Variants in MAPKAP1 observed in about 807,000 individuals in gnomAD.
MAPKAP1 encodes MAPK associated protein 1, also known as target of rapamycin complex 2 subunit MAPKAP1.
Under a neutral mutation model 65.7 loss-of-function variants are expected in MAPKAP1, and 20 were observed. That is an observed-to-expected ratio of 0.30 (90% CI 0.21 to 0.44). The LOEUF is 0.44. Among genes scored for constraint, MAPKAP1 ranks in the 20% least tolerant of loss-of-function variants. MAPKAP1 has a pLI of 1.00. For missense variants in MAPKAP1, 423 were observed against 648.0 expected (o/e 0.65, Z 3.77); for synonymous variants, 222 against 244.3 (o/e 0.91, Z 0.85).
rs150944508 is a variant in MAPKAP1 at position 125,547,016 on chromosome 9, G to A, written c.849-3848C>T. Among the ~76,000 whole-genome samples, 74 of 152,236 alleles carry A rather than the reference G, an allele frequency of 4.9e-4. 1 individual carries two copies. In the Middle Eastern group the frequency reaches 0.014, roughly 28 times the overall value. On this transcript the variant is annotated intron_variant, in intron 6 of 11. Transcript: ENST00000265960. ...AGGGTGAAACTCCATGTCAGGGAGC[G>A]TAAGAAACACTGCCAGGAGTGCTTC...
chr9:125,604,765 C>G (rs1323097967), intron 4 of MAPKAP1, among the ~76,000 whole-genome samples: 3 of 152,202 alleles, frequency 2.0e-5, no homozygotes, highest in Admixed American at 6.5e-5. Flanking sequence ...TGAAAATCAA[C>G]AAGAAGTCTG....
At chr9:125,539,677 A>C (rs1012271557) in intron 7 of MAPKAP1, among the ~76,000 whole-genome samples, 2 of 152,242 alleles carry the variant, frequency 1.3e-5, no homozygotes, top group Non-Finnish European at 2.9e-5. Context: ...TGCTGCCTAA[A>C]TCAAGGGACC....
intron 1 of MAPKAP1, among the ~76,000 whole-genome samples, chr9:125,693,838 T>TACACACACAC (rs1197235568): frequency 3.4e-5 from 4 of 117,328 alleles, no homozygotes; most frequent in African/African-American, 1.0e-4. Context: ...CACATATATA[T>TACACACACAC]ACACACATAC....
chr9:125,545,447 A>G (rs1303302371), intron 6 of MAPKAP1, among the ~76,000 whole-genome samples: 1 of 152,138 alleles, frequency 6.6e-6, no homozygotes, highest in Non-Finnish European at 1.5e-5. Context: ...ATCTGTGACA[A>G]TATGTTGGGC....
At chr9:125,686,552 G>C (rs1834984569) in intron 1 of MAPKAP1, among the ~76,000 whole-genome samples, 1 of 152,096 alleles carries the variant, frequency 6.6e-6, no homozygotes, top group Non-Finnish European at 1.5e-5. Flanking sequence ...CTTGTGTGGA[G>C]GAGGAAAAGG....
At chr9:125,493,508 A>C (rs977046158) in intron 8 of MAPKAP1, among the ~76,000 whole-genome samples, 3 of 152,254 alleles carry the variant, frequency 2.0e-5, no homozygotes, top group African/African-American at 4.8e-5. Flanking sequence ...GTAGATGTTC[A>C]ATAAATGCTG....
chr9:125,602,228 G>C (rs1274420937), intron 4 of MAPKAP1, among the ~76,000 whole-genome samples: 2 of 152,160 alleles, frequency 1.3e-5, no homozygotes. Flanking sequence ...GCTCCAGCCT[G>C]GGCAGCAGAG....
intron 1 of MAPKAP1, among the ~76,000 whole-genome samples, chr9:125,682,399 C>CTGTT (rs139676487): frequency 1.3e-3 from 195 of 152,284 alleles, no homozygotes; most frequent in African/African-American, 4.6e-3. Flanking sequence ...GAATAAAATA[C>CTGTT]TGTTATTCAG....
intron 1 of MAPKAP1, among the ~76,000 whole-genome samples, chr9:125,700,704 C>T (rs1319760045): frequency 2.6e-5 from 4 of 152,210 alleles, no homozygotes; most frequent in African/African-American, 9.7e-5. Context: ...AATGACTGCT[C>T]AGGATTTATT....
intron 1 of MAPKAP1, among the ~76,000 whole-genome samples, chr9:125,694,597 C>T (rs1564620849): frequency 1.3e-5 from 2 of 152,144 alleles, no homozygotes; most frequent in African/African-American, 4.8e-5. Context: ...AAATCGTTTT[C>T]CCCGCCCCCT....
chr9:125,650,775 A>C (rs1337086491), intron 4 of MAPKAP1, among the ~76,000 whole-genome samples: 1 of 152,208 alleles, frequency 6.6e-6, no homozygotes, highest in African/African-American at 2.4e-5. Flanking sequence ...TAGAGGATTT[A>C]ACTTCTATGA....
chr9:125,523,836 T>A (rs534432196), intron 7 of MAPKAP1, among the ~76,000 whole-genome samples: 2 of 152,318 alleles, frequency 1.3e-5, no homozygotes, highest in African/African-American at 4.8e-5. Context: ...TGCCAGGACC[T>A]GCAGTTCCCC....
chr9:125,521,624 T>A, intron 7 of MAPKAP1: 1 of 1,519,436 alleles, frequency 6.6e-7, no homozygotes, highest in South Asian at 1.3e-5. Flanking sequence ...GAACAGACAG[T>A]AAATCCAGAG....
At position 125,630,165 on chromosome 9, in the gene MAPKAP1, AC is replaced by A. The variant is rs1357342169; in HGVS notation, c.498+27485del. Among the ~76,000 whole-genome samples, 22 of 152,306 alleles carry A rather than the reference AC, an allele frequency of 1.4e-4. No homozygotes were observed. In the South Asian group the frequency reaches 4.6e-3, roughly 32 times the overall value. ...AGGGTCCAGGAACTCTCGCTCGGTC[AC>A]CCAGGCTGGAGTGCAGTGGCATAAT... On this transcript the variant is annotated intron_variant, in intron 4 of 11. Transcript: ENST00000265960.
chr9:125,547,000 C>A (rs1188920329), intron 6 of MAPKAP1, among the ~76,000 whole-genome samples: 1 of 152,136 alleles, frequency 6.6e-6, no homozygotes, highest in Non-Finnish European at 1.5e-5. Flanking sequence ...TAGGGTGAAA[C>A]TCCATGTCAG....
intron 10 of MAPKAP1, among the ~76,000 whole-genome samples, chr9:125,467,694 C>A (rs1853730468): frequency 6.6e-6 from 1 of 152,224 alleles, no homozygotes; most frequent in Non-Finnish European, 1.5e-5. Context: ...CAGCAGAAAT[C>A]TGGCCCTGTG....
chr9:125,705,097 CTT>C (rs941192370), intron 1 of MAPKAP1, among the ~76,000 whole-genome samples: 2 of 152,156 alleles, frequency 1.3e-5, no homozygotes, highest in African/African-American at 4.8e-5. Flanking sequence ...AGAGCACAGT[CTT>C]TACATTTAAA....
intron 8 of MAPKAP1, 23 bp from the exon 9 acceptor site, chr9:125,484,606 A>C: frequency 1.9e-6 from 3 of 1,599,326 alleles, no homozygotes; most frequent in Non-Finnish European, 2.6e-6. Flanking sequence ...AGGCAGTTTA[A>C]CACATAAAGA....
chr9:125,603,570 G>A (rs936434299), intron 4 of MAPKAP1, among the ~76,000 whole-genome samples: 5 of 152,112 alleles, frequency 3.3e-5, no homozygotes, highest in African/African-American at 1.2e-4. Flanking sequence ...AGTCTCCGGG[G>A]TTTCTGCTCA....
Sources: allele counts gnomAD v4.1 joint callset (sites outside exome capture counted in the v4.1 genomes callset), GRCh38; gene constraint gnomAD v4.1.1; transcripts MANE v1.5; gene names NCBI Gene and HGNC (gene_info 2026-07-23, HGNC 2026-07-21).